The following MYO1D variants were observed in gnomAD, a reference collection of about 807,000 sequenced individuals.
The protein encoded by MYO1D is myosin ID.
Under a neutral mutation model 122.0 loss-of-function variants are expected in MYO1D, and 83 were observed. The ratio of observed to expected loss-of-function variants is 0.68; its 90% CI spans 0.57 to 0.82. The LOEUF is 0.82. Ranked by LOEUF, MYO1D falls within the 40% of genes least tolerant of loss-of-function variation. The probability of loss-of-function intolerance (pLI) is 0.00; values close to 1 mark genes in which losing one functional copy is unlikely to be tolerated. For synonymous variants in MYO1D, 464 were observed against 446.9 expected, an observed-to-expected ratio of 1.04 and a Z score of -0.48; for missense variants, 1,157 against 1,269.5, an observed-to-expected ratio of 0.91 and a Z score of 1.35.
intron 21 of MYO1D, among the ~76,000 whole-genome samples, chr17:32,528,030 G>C (rs1437890981): frequency 6.6e-6 from 1 of 152,104 alleles, no homozygotes; most frequent in African/African-American, 2.4e-5. Context: ...TTACAGACAG[G>C]GTTTCACCAT....
At chr17:32,772,874 G>T in intron 4 of MYO1D, 32 bp from the exon 5 acceptor site, 2 of 1,585,466 alleles carry the variant, frequency 1.3e-6, no homozygotes, top group South Asian at 1.1e-5. Flanking sequence ...TGGTTAACCC[G>T]AAAATGTGCC....
At chr17:32,721,214 T>C in intron 14 of MYO1D, 25 bp from the exon 15 acceptor site, 2 of 1,607,142 alleles carry the variant, frequency 1.2e-6, no homozygotes, top group Non-Finnish European at 1.7e-6. Context: ...CAGCAAATGG[T>C]AAGTTTCACT....
intron 1 of MYO1D, among the ~76,000 whole-genome samples, chr17:32,821,541 T>TACACACACACACAC (rs34745639): frequency 7.6e-6 from 1 of 131,090 alleles, no homozygotes; most frequent in African/African-American, 2.5e-5. Flanking sequence ...AAATCACACA[T>TACACACACACACAC]ACACACACAC....
chr17:32,510,212 G>A (rs1254996328), intron 21 of MYO1D: 2 of 152,204 alleles, frequency 1.3e-5, no homozygotes, highest in East Asian at 3.9e-4. Context: ...ACCCTAAAAT[G>A]CTGTTCTAGC....
At position 32,780,570 on chromosome 17, in the gene MYO1D, A is replaced by G. The variant is rs375979305; in HGVS notation, c.304+6T>C. The G allele has an allele frequency of 1.5e-5, 24 of 1,613,140 alleles. No individual in the cohort carries two copies. Among genetic ancestry groups the G allele is most frequent in the Non-Finnish European group, 1.8e-5 (21 of 1,179,664 alleles). Reference sequence around the variant, plus strand: ...TTTGGAAATACAGGGGATCCCCTCCAATTACCTGATATCACAATACAAGTG... The same window carrying G: ...TTTGGAAATACAGGGGATCCCCTCCGATTACCTGATATCACAATACAAGTG... On this transcript the variant is annotated splice_donor_region_variant and intron_variant, in intron 2 of 21. Transcript: ENST00000318217.
intron 1 of MYO1D, among the ~76,000 whole-genome samples, chr17:32,846,924 C>G (rs2151078385): frequency 6.6e-6 from 1 of 152,216 alleles, no homozygotes; most frequent in East Asian, 1.9e-4. Context: ...GAGATTGAGG[C>G]TGCAGTAAGC....
At chr17:32,671,360 C>T (rs1189427903) in intron 16 of MYO1D, among the ~76,000 whole-genome samples, 1 of 152,168 alleles carries the variant, frequency 6.6e-6, no homozygotes, top group Non-Finnish European at 1.5e-5. Context: ...AGACAGGGTG[C>T]CCGGGCTGCG....
chr17:32,542,976 C>T (rs910869136), intron 21 of MYO1D, among the ~76,000 whole-genome samples: 8 of 152,166 alleles, frequency 5.3e-5, no homozygotes, highest in African/African-American at 7.2e-5. Flanking sequence ...CCTGTAATCC[C>T]GGCACTTTGG....
At chr17:32,588,038 A>C (rs1292947146) in intron 21 of MYO1D, among the ~76,000 whole-genome samples, 3 of 152,384 alleles carry the variant, frequency 2.0e-5, no homozygotes, top group Non-Finnish European at 4.4e-5. Context: ...TAAATCTATA[A>C]ATTTGGTAAA....
intron 21 of MYO1D, among the ~76,000 whole-genome samples, chr17:32,508,951 G>C (rs943229784): frequency 2.6e-5 from 4 of 152,198 alleles, no homozygotes; most frequent in African/African-American, 9.7e-5. Context: ...ATACAAAATA[G>C]GAGTTCCATA....
chr17:32,584,057 GC>G (rs1193995090), intron 21 of MYO1D, among the ~76,000 whole-genome samples: 1 of 152,076 alleles, frequency 6.6e-6, no homozygotes, highest in Non-Finnish European at 1.5e-5. Flanking sequence ...CCCAGCCTCA[GC>G]CTCCCAAAGT....
At chr17:32,822,628 C>T (rs1159935739) in intron 1 of MYO1D, among the ~76,000 whole-genome samples, 5 of 148,962 alleles carry the variant, frequency 3.4e-5, no homozygotes, top group Admixed American at 6.7e-5. Flanking sequence ...CGCCGGCCCC[C>T]GTCCCGGGGG....
intron 21 of MYO1D, among the ~76,000 whole-genome samples, chr17:32,507,537 A>G (rs1421613185): frequency 6.6e-6 from 1 of 152,256 alleles, no homozygotes; most frequent in Non-Finnish European, 1.5e-5. Flanking sequence ...TTCAATAACA[A>G]CCTGTGAATT....
chr17:32,614,507 G>T (rs1597935679), intron 20 of MYO1D, among the ~76,000 whole-genome samples: 1 of 152,232 alleles, frequency 6.6e-6, no homozygotes, highest in East Asian at 1.9e-4. Flanking sequence ...TTTCCATTCA[G>T]AAACTTGGGA....
chr17:32,798,647 C>A (rs1014810690), intron 1 of MYO1D, among the ~76,000 whole-genome samples: 5 of 152,126 alleles, frequency 3.3e-5, no homozygotes, highest in African/African-American at 1.2e-4. Flanking sequence ...TCAAAAGCTG[C>A]TCACTGGGGC....
rs143705388 is a variant in MYO1D at position 32,755,327 on chromosome 17, G to C, written c.1467+165C>G. Among the ~76,000 whole-genome samples, 583 of 152,264 alleles carry C rather than the reference G, an allele frequency of 3.8e-3. 3 individuals are homozygous for C. Among genetic ancestry groups the C allele is most frequent in the African/African-American group, 0.013 (545 of 41,548 alleles). The stretch of plus-strand genomic sequence containing the variant: ...ATTTCTTCATACTATAAACCAGAGA[G>C]GCAGAATTTATCCACAGCAACAAAT... On this transcript the variant is annotated intron_variant, in intron 11 of 21. Coordinates refer to ENST00000318217, the MANE Select transcript of MYO1D (RefSeq NM_015194.3).
intron 16 of MYO1D, among the ~76,000 whole-genome samples, chr17:32,679,671 T>C (rs1175756290): frequency 2.0e-5 from 3 of 152,224 alleles, no homozygotes; most frequent in Non-Finnish European, 4.4e-5. Context: ...AGCCTTGTAG[T>C]AGAGTTTGAA....
intron 11 of MYO1D, 36 bp downstream of exon 11, chr17:32,755,456 C>A: frequency 6.3e-7 from 1 of 1,595,806 alleles, no homozygotes. Context: ...GAGAACCTCA[C>A]AGATAAAAGG....
intron 21 of MYO1D, among the ~76,000 whole-genome samples, chr17:32,536,871 T>C (rs191002201): frequency 3.6e-4 from 55 of 152,310 alleles, no homozygotes; most frequent in African/African-American, 1.3e-3. Flanking sequence ...GTTCCATGAA[T>C]TGCATCCTTT....
Sources: allele counts gnomAD v4.1 joint callset (sites outside exome capture counted in the v4.1 genomes callset), GRCh38; gene constraint gnomAD v4.1.1; transcripts MANE v1.5; gene names NCBI Gene and HGNC (gene_info 2026-07-23, HGNC 2026-07-21).